RIMS2: variants seen among roughly 807,000 people sequenced by gnomAD.
RIMS2 encodes the protein regulating synaptic membrane exocytosis 2.
In RIMS2, 59 loss-of-function variants were observed where a neutral mutation model predicts 174.4. The ratio of observed to expected loss-of-function variants is 0.34; its 90% CI spans 0.27 to 0.42. The LOEUF is 0.42. Among genes scored for constraint, RIMS2 ranks in the 10% least tolerant of loss-of-function variants. RIMS2 has a pLI of 1.00. For missense variants in RIMS2, 1,620 were observed against 1,666.3 expected, an observed-to-expected ratio of 0.97 and a Z score of 0.48; for synonymous variants, 606 against 572.5, an observed-to-expected ratio of 1.06 and a Z score of -0.84.
At chr8:103,712,960 A>C (rs962831230) in intron 2 of RIMS2, among the ~76,000 whole-genome samples, 1 of 152,136 alleles carries the variant, frequency 6.6e-6, no homozygotes, top group African/African-American at 2.4e-5. Flanking sequence ...ATTTTATGTA[A>C]AAATCCATTA....
chr8:103,942,246 T>C (rs1326297392), intron 13 of RIMS2, among the ~76,000 whole-genome samples: 1 of 152,168 alleles, frequency 6.6e-6, no homozygotes, highest in Non-Finnish European at 1.5e-5. Flanking sequence ...ATGCGTGGTA[T>C]TTGGTTTTTT....
chr8:104,242,411 C>A (rs898065207), intron 19 of RIMS2, among the ~76,000 whole-genome samples: 1 of 152,038 alleles, frequency 6.6e-6, no homozygotes, highest in Non-Finnish European at 1.5e-5. Context: ...TCAAATTTTC[C>A]TTAACTTGTC....
rs367961497 is a variant in RIMS2 at position 103,965,170 on chromosome 8, C to T, written c.2770+4037C>T. Among the ~76,000 whole-genome samples, 25 of 152,236 alleles carry T rather than the reference C, an allele frequency of 1.6e-4. No homozygotes were observed. In the South Asian group the frequency reaches 4.8e-3, roughly 29 times the overall value. ...TACTTCTCCATATGAGGTCTGGAAT[C>T]TGGTTATCAGACTCCACAAATTGAT... On this transcript the variant is annotated intron_variant, in intron 15 of 23. Coordinates refer to ENST00000504942, the Ensembl canonical transcript of RIMS2.
At chr8:103,998,858 T>A (rs1007453274) in intron 17 of RIMS2, among the ~76,000 whole-genome samples, 3 of 151,766 alleles carry the variant, frequency 2.0e-5, no homozygotes, top group Admixed American at 1.3e-4. Context: ...TCATAGATAG[T>A]ACAGCTACAA....
intron 1 of RIMS2, among the ~76,000 whole-genome samples, chr8:103,605,674 C>G (rs189727550): frequency 6.6e-6 from 1 of 152,172 alleles, no homozygotes; most frequent in African/African-American, 2.4e-5. Context: ...GCCACAATTT[C>G]TGATCCTGTT....
chr8:103,991,316 A>T (rs2094682876), intron 17 of RIMS2, among the ~76,000 whole-genome samples: 1 of 151,664 alleles, frequency 6.6e-6, no homozygotes, highest in South Asian at 2.1e-4. Flanking sequence ...TTTTTCAAAT[A>T]AATAAAATAG....
intron 19 of RIMS2, among the ~76,000 whole-genome samples, chr8:104,191,258 T>C (rs181148676): frequency 4.0e-4 from 61 of 152,234 alleles, no homozygotes; most frequent in African/African-American, 1.5e-3. Context: ...ATAAAGATTA[T>C]GCCATGGATT....
At chr8:104,207,557 G>C (rs1393167200) in intron 19 of RIMS2, among the ~76,000 whole-genome samples, 4 of 151,942 alleles carry the variant, frequency 2.6e-5, no homozygotes, top group Admixed American at 2.6e-4. Flanking sequence ...TGTAATCCCA[G>C]CACTTTGGGA....
At chr8:103,590,750 C>A (rs2094212337) in intron 1 of RIMS2, among the ~76,000 whole-genome samples, 1 of 151,016 alleles carries the variant, frequency 6.6e-6, no homozygotes, top group African/African-American at 2.4e-5. Flanking sequence ...AGACTATATT[C>A]TTCTGTGTAA....
At chr8:103,792,390 T>C (rs1045002763) in intron 3 of RIMS2, among the ~76,000 whole-genome samples, 36 of 152,028 alleles carry the variant, frequency 2.4e-4, no homozygotes, top group African/African-American at 7.0e-4. Flanking sequence ...AAAGAAACAA[T>C]GTACCAGAAT....
At chr8:104,115,227 C>G (rs750950103) in intron 19 of RIMS2, among the ~76,000 whole-genome samples, 28 of 152,026 alleles carry the variant, frequency 1.8e-4, no homozygotes, top group Non-Finnish European at 3.4e-4. Context: ...GTTGTTTATT[C>G]AATGAGGCGT....
intron 1 of RIMS2, among the ~76,000 whole-genome samples, chr8:103,662,285 T>A (rs1308771677): frequency 6.6e-6 from 1 of 152,124 alleles, no homozygotes; most frequent in African/African-American, 2.4e-5. Flanking sequence ...AAAATACAAA[T>A]CAGATCATAT....
At chr8:103,650,828 C>A (rs1242734465) in intron 1 of RIMS2, among the ~76,000 whole-genome samples, 1 of 152,226 alleles carries the variant, frequency 6.6e-6, no homozygotes, top group African/African-American at 2.4e-5. Flanking sequence ...GGAACTCAGT[C>A]CTGACTCAGG....
chr8:103,992,131 C>CA (rs1464501643), intron 17 of RIMS2, among the ~76,000 whole-genome samples: 1 of 152,108 alleles, frequency 6.6e-6, no homozygotes, highest in Non-Finnish European at 1.5e-5. Context: ...TTTTTTGAGA[C>CA]AGTGTCTCAC....
chr8:103,733,626 C>T (rs75931837), intron 2 of RIMS2, among the ~76,000 whole-genome samples: 18,891 of 152,192 alleles, frequency 0.12, 1,277 homozygotes, highest in Middle Eastern at 0.22. Flanking sequence ...CTGGCTAGAA[C>T]TGGTCTAAAT....
chr8:104,183,886 G>C (rs955549888), intron 19 of RIMS2, among the ~76,000 whole-genome samples: 3 of 151,436 alleles, frequency 2.0e-5, no homozygotes, highest in Non-Finnish European at 4.4e-5. Context: ...TTTAAATTCT[G>C]GACTAGAGTT....
At chr8:103,890,060 G>T (rs1007789192) in intron 4 of RIMS2, among the ~76,000 whole-genome samples, 4 of 151,890 alleles carry the variant, frequency 2.6e-5, no homozygotes, top group African/African-American at 9.7e-5. Flanking sequence ...GATCAAATGA[G>T]ACTGTGTATA....
At chr8:103,747,271 T>G (rs1294909832) in intron 2 of RIMS2, among the ~76,000 whole-genome samples, 1 of 117,368 alleles carries the variant, frequency 8.5e-6, no homozygotes, top group African/African-American at 3.4e-5. Flanking sequence ...GTCCCCAGAG[T>G]GTGATGATCC....
chr8:103,954,097 C>T (rs1481988880), intron 14 of RIMS2, among the ~76,000 whole-genome samples: 1 of 152,186 alleles, frequency 6.6e-6, no homozygotes, highest in Non-Finnish European at 1.5e-5. Flanking sequence ...CACCCAGATT[C>T]ATAAAGCAAG....
Sources: gnomAD v4.1 joint callset for allele counts (sites outside exome capture counted in the v4.1 genomes callset) on GRCh38, gnomAD v4.1.1 for gene constraint, MANE v1.5 for transcripts, NCBI Gene and HGNC (gene_info 2026-07-23, HGNC 2026-07-21) for gene names.